Variants in MCF2L2 observed in about 807,000 individuals in gnomAD.
MCF2L2 encodes the protein MCF.2 cell line derived transforming sequence-like 2.
In MCF2L2, 102 loss-of-function variants were observed where a neutral mutation model predicts 150.2. That is an observed-to-expected ratio of 0.68 (90% CI 0.58 to 0.80). MCF2L2 has a LOEUF of 0.80. MCF2L2 is among the 30% of genes least tolerant of loss of function. The pLI is 0.00. For missense variants in MCF2L2, 1,256 were observed against 1,372.8 expected, an observed-to-expected ratio of 0.91 and a Z score of 1.34; for synonymous variants, 465 against 491.3, an observed-to-expected ratio of 0.95 and a Z score of 0.71.
Position 183,323,230 on chromosome 3 carries a change from C to T in MCF2L2, c.603+5G>A, listed in dbSNP as rs1729885773. 2 of 1,588,350 alleles carry T rather than the reference C, an allele frequency of 1.3e-6. No individual in the cohort carries two copies. The highest frequency in any genetic ancestry group is 1.7e-6 in the Non-Finnish European group (2 of 1,158,246). ...AGTGAAAAGCACACGTAAGCTGGTA[C>T]TCACAGTGCGGTGATTTACCCACTG... On this transcript the variant is annotated splice_donor_5th_base_variant and intron_variant, in intron 6 of 29. Transcript: ENST00000328913.
In MCF2L2 at chr3:183,207,614, G is replaced by T. The variant is rs770626336; in HGVS notation, c.2706C>A (p.Thr902=). The change falls in exon 23 of 30, where the codon ACC becomes ACA. Residue 902 remains threonine (T), a synonymous_variant. Coordinates refer to ENST00000328913, the MANE Select transcript of MCF2L2 (RefSeq NM_015078.4). The part of the protein sequence containing the change: ...GLSPHYSFKK[T]MKLMTLSIRQ... The stretch of plus-strand genomic sequence containing the variant: ...GCAATAGGACTCCCTTTACCTTCAT[G>T]GTCTTCTTGAAGCTGTAATGAGGAG... 6 of 1,612,124 alleles carry T rather than the reference G, an allele frequency of 3.7e-6. No individual in the cohort carries two copies. Among genetic ancestry groups the T allele is most frequent in the Admixed American group, 3.3e-5 (2 of 60,004 alleles).
Position 183,209,084 on chromosome 3 carries a change from C to T in MCF2L2, c.2497-1261G>A, listed in dbSNP as rs568921513. ...GCTCCTGTTCTGTGTTAACAGTTCACCACATTCCAAAACAGAAGGGTGGAT... is the reference window on the plus strand; with the variant it reads ...GCTCCTGTTCTGTGTTAACAGTTCATCACATTCCAAAACAGAAGGGTGGAT... On this transcript the variant is annotated intron_variant, in intron 22 of 29. Transcript: ENST00000328913. 5.3e-5 allele frequency among the ~76,000 whole-genome samples: 8 copies of T among 152,308 alleles called. No homozygotes were observed. The South Asian group carries it at 1.7e-3, about 32-fold the overall frequency.
rs577705368 is a variant in MCF2L2, at chr3:183,268,672, T to G, written c.1862+8200A>C. ...TAGGTAATCATCTGTCTACTTCCCT[T>G]CATTTGTCATGTATATTCCCATTTA... On this transcript the variant is annotated intron_variant, in intron 15 of 29. Transcript: ENST00000328913. Among the ~76,000 whole-genome samples the G allele has an allele frequency of 3.9e-5, 6 of 152,306 alleles. No individual in the cohort carries two copies. In the East Asian group the frequency reaches 1.2e-3, roughly 29 times the overall value.
chr3:183,377,522 T>C (rs1430934470), intron 3 of MCF2L2: 2 of 152,264 alleles, frequency 1.3e-5, no homozygotes, highest in Non-Finnish European at 2.9e-5. Flanking sequence ...TTGGGCACTG[T>C]GCTAGGGCTG....
intron 1 of MCF2L2, among the ~76,000 whole-genome samples, chr3:183,398,407 TCTCTGA>T: frequency 6.6e-6 from 1 of 152,266 alleles, no homozygotes. Flanking sequence ...AGAAGACAGC[TCTCTGA>T]CTGAGGACAG....
At chr3:183,268,150 T>C (rs1426984207) in intron 15 of MCF2L2, among the ~76,000 whole-genome samples, 2 of 152,206 alleles carry the variant, frequency 1.3e-5, no homozygotes, top group African/African-American at 4.8e-5. Context: ...GGACTGCTGG[T>C]GTAAAGACCA....
At chr3:183,413,943 G>A (rs1273396679) in intron 1 of MCF2L2, among the ~76,000 whole-genome samples, 1 of 152,230 alleles carries the variant, frequency 6.6e-6, no homozygotes, top group Non-Finnish European at 1.5e-5. Flanking sequence ...GGCAGAGGAG[G>A]AAGAAAATCC....
chr3:183,228,175 T>C, intron 18 of MCF2L2, 122 bp downstream of exon 18: 1 of 691,470 alleles, frequency 1.4e-6, no homozygotes. Flanking sequence ...TCAGTAAAGC[T>C]TGGAGTCGGA....
At chr3:183,287,532 C>T (rs6807075) in intron 14 of MCF2L2, 48,105 of 152,068 alleles carry the variant, frequency 0.32, 10,125 homozygotes, top group African/African-American at 0.58. Context: ...TAATATTACT[C>T]AATGATTCCA....
chr3:183,406,195 AT>A (rs1326971359), intron 1 of MCF2L2, among the ~76,000 whole-genome samples: 2 of 152,168 alleles, frequency 1.3e-5, no homozygotes, highest in Non-Finnish European at 2.9e-5. Flanking sequence ...ACCATTTTAC[AT>A]TCCTACCAAC....
At chr3:183,330,257 A>G in intron 5 of MCF2L2, among the ~76,000 whole-genome samples, 1 of 151,476 alleles carries the variant, frequency 6.6e-6, no homozygotes, top group East Asian at 1.9e-4. Context: ...AAAAAAAAAA[A>G]AAAAAAGAAG....
chr3:183,208,461 T>C (rs1433107885), intron 22 of MCF2L2, among the ~76,000 whole-genome samples: 1 of 151,928 alleles, frequency 6.6e-6, no homozygotes, highest in African/African-American at 2.4e-5. Flanking sequence ...GAAGTCTGTT[T>C]GACTCTAGGC....
chr3:183,193,129 T>C (rs1380476965), intron 26 of MCF2L2, 33 bp from the exon 27 acceptor site: 10 of 1,565,626 alleles, frequency 6.4e-6, no homozygotes, highest in Non-Finnish European at 8.8e-6. Flanking sequence ...ATTGAGTCAC[T>C]GGAAGGAATG....
chr3:183,322,693 T>C (rs1729862285), intron 6 of MCF2L2, among the ~76,000 whole-genome samples: 1 of 152,180 alleles, frequency 6.6e-6, no homozygotes, highest in Non-Finnish European at 1.5e-5. Flanking sequence ...CATGGGTATA[T>C]TGCATGATGC....
At chr3:183,303,194 C>CAAAAAAAAAAAAAAAAAAAAA (rs56742154) in intron 10 of MCF2L2, among the ~76,000 whole-genome samples, 1 of 123,948 alleles carries the variant, frequency 8.1e-6, no homozygotes, top group African/African-American at 3.2e-5. Context: ...ACTCTGTCTC[C>CAAAAAAAAAAAAAAAAAAAAA]AAAAAAAAAA....
intron 14 of MCF2L2, among the ~76,000 whole-genome samples, chr3:183,278,706 T>C (rs767074703): frequency 7.2e-5 from 11 of 152,190 alleles, no homozygotes; most frequent in Admixed American, 2.6e-4. Flanking sequence ...AAATGAATTG[T>C]GCTCTTTCGA....
chr3:183,205,981 T>G (rs979403896), intron 24 of MCF2L2, 27 bp from the exon 25 acceptor site: 49 of 1,597,586 alleles, frequency 3.1e-5, no homozygotes, highest in Non-Finnish European at 4.2e-5. Context: ...GAAAACACTA[T>G]AAGACTACCA....
intron 5 of MCF2L2, among the ~76,000 whole-genome samples, chr3:183,338,358 A>T (rs1730568172): frequency 6.6e-6 from 1 of 151,862 alleles, no homozygotes; most frequent in Non-Finnish European, 1.5e-5. Context: ...GAGGCAGGAG[A>T]ATCACTTGAA....
At chr3:183,213,795 A>G (rs1300879823) in intron 22 of MCF2L2, among the ~76,000 whole-genome samples, 1 of 152,230 alleles carries the variant, frequency 6.6e-6, no homozygotes, top group African/African-American at 2.4e-5. Context: ...CTTTTGAATC[A>G]GAAGGTTGAA....
Sources: gnomAD v4.1 joint callset for allele counts (sites outside exome capture counted in the v4.1 genomes callset) on GRCh38, gnomAD v4.1.1 for gene constraint, MANE v1.5 for transcripts, NCBI Gene and HGNC (gene_info 2026-07-23, HGNC 2026-07-21) for gene names.